ZNF521: variants seen among roughly 807,000 people sequenced by gnomAD.
ZNF521 encodes LYST-interacting protein 3.
ZNF521 carries 14 observed loss-of-function variants against 105.5 expected under a neutral mutation model. The ratio of observed to expected loss-of-function variants is 0.13; its 90% CI spans 0.09 to 0.21. The LOEUF is 0.21. ZNF521 is among the 10% of genes least tolerant of loss of function. The probability of loss-of-function intolerance (pLI) is 1.00; values close to 1 mark genes in which losing one functional copy is unlikely to be tolerated. For synonymous variants in ZNF521, 635 were observed against 606.0 expected (o/e 1.05, Z -0.70); for missense variants, 1,233 against 1,629.7 (o/e 0.76, Z 4.19).
In ZNF521 at chr18:25,067,408, T is replaced by G. The variant is rs76425582; in HGVS notation, c.3907-4667A>C. 8.2e-3 allele frequency among the ~76,000 whole-genome samples: 1,254 copies of G among 152,328 alleles called. 18 individuals are homozygous for G. The highest frequency in any genetic ancestry group is 0.029 in the African/African-American group (1,187 of 41,584). On this transcript the variant is annotated intron_variant, in intron 7 of 7. Transcript: ENST00000361524. Reference sequence around the variant, plus strand: ...GGCCTTAAAAATTCCCTTCTAGCACTATGTATTTCTTTTTAAATATGAGAT... The same window carrying G: ...GGCCTTAAAAATTCCCTTCTAGCACGATGTATTTCTTTTTAAATATGAGAT...
chr18:25,080,489 G>C (rs1022456693), intron 7 of ZNF521, among the ~76,000 whole-genome samples: 1 of 152,158 alleles, frequency 6.6e-6, no homozygotes, highest in Admixed American at 6.5e-5. Context: ...TAACAATAAA[G>C]GATACAAATG....
rs569595258 is a variant in ZNF521, at chr18:25,074,200, G to C, written c.3907-11459C>G. Among the ~76,000 whole-genome samples the C allele has an allele frequency of 6.6e-5, 10 of 152,282 alleles. No individual in the cohort carries two copies. The South Asian group carries it at 1.9e-3, about 28-fold the overall frequency. ...CATTGCTTCTACAGGTAAAATTCCTGGTGTTTGCCTTTGATCTTTCTGTCT... is the reference window on the plus strand; with the variant it reads ...CATTGCTTCTACAGGTAAAATTCCTCGTGTTTGCCTTTGATCTTTCTGTCT... On this transcript the variant is annotated intron_variant, in intron 7 of 7. Transcript: ENST00000361524.
intron 4 of ZNF521, among the ~76,000 whole-genome samples, chr18:25,206,196 T>C (rs1303057590): frequency 6.6e-6 from 1 of 151,848 alleles, no homozygotes; most frequent in African/African-American, 2.4e-5. Flanking sequence ...TTAGTAGAGA[T>C]GGGGTTTTGC....
At position 25,213,387 on chromosome 18, in the gene ZNF521, T is replaced by C. The variant is rs911953894; in HGVS notation, c.3573+10958A>G. On this transcript the variant is annotated intron_variant, in intron 4 of 7. Transcript: ENST00000361524. ...AAATATGTTAAATACAGTTTTTCCA[T>C]TGACTTTTGAGATAAAAATATAATT... 7.9e-5 allele frequency among the ~76,000 whole-genome samples: 12 copies of C among 151,816 alleles called. No homozygotes were observed. In the East Asian group the frequency reaches 1.2e-3, roughly 15 times the overall value.
At chr18:25,207,876 T>TA (rs1190925910) in intron 4 of ZNF521, among the ~76,000 whole-genome samples, 1 of 152,018 alleles carries the variant, frequency 6.6e-6, no homozygotes, top group African/African-American at 2.4e-5. Flanking sequence ...ATTCTCCAAA[T>TA]AAAAAAAGTC....
intron 7 of ZNF521, among the ~76,000 whole-genome samples, chr18:25,074,451 C>G (rs2033310265): frequency 6.6e-6 from 1 of 152,134 alleles, no homozygotes. Context: ...TTTTCTTTCT[C>G]TTTTCCCTGT....
At position 25,273,220 on chromosome 18, in the gene ZNF521, C is replaced by CAAAAAAAAAAAAAAAAAAAAAA. The variant is rs67381140; in HGVS notation, c.221-45545_221-45524dup. ...CCCAAGAGGAGTGAAACCCTGTCTC[C>CAAAAAAAAAAAAAAAAAAAAAA]AAAAAAAAAAAAAAAAAAAAAAAAA... is the stretch of plus-strand genomic sequence containing the variant. On this transcript the variant is annotated intron_variant, in intron 3 of 7. Transcript: ENST00000361524. Among the ~76,000 whole-genome samples the CAAAAAAAAAAAAAAAAAAAAAA allele has an allele frequency of 1.1e-3, 45 of 40,892 alleles. 5 individuals carry two copies. Among genetic ancestry groups the CAAAAAAAAAAAAAAAAAAAAAA allele is most frequent in the Non-Finnish European group, 1.4e-3 (32 of 23,200 alleles). The allele number at this position is 40,892 out of a possible 152,430, so 26.8% of individuals were successfully genotyped here.
At chr18:25,300,064 T>C (rs555299817) in intron 3 of ZNF521, among the ~76,000 whole-genome samples, 1 of 152,176 alleles carries the variant, frequency 6.6e-6, no homozygotes, top group Non-Finnish European at 1.5e-5. Context: ...CTCAAGAGAC[T>C]GCAACTTAGA....
intron 5 of ZNF521, among the ~76,000 whole-genome samples, chr18:25,164,846 GA>G (rs1009273187): frequency 2.0e-5 from 3 of 152,216 alleles, no homozygotes; most frequent in African/African-American, 7.2e-5. Flanking sequence ...TGTGTAATCA[GA>G]ATAATAGTTA....
chr18:25,219,795 T>C (rs902209627), intron 4 of ZNF521, among the ~76,000 whole-genome samples: 1 of 152,154 alleles, frequency 6.6e-6, no homozygotes, highest in African/African-American at 2.4e-5. Flanking sequence ...CCAGCCTGAA[T>C]GATAGAGTGA....
At chr18:25,143,528 CAGTTT>C (rs1461425442) in intron 5 of ZNF521, among the ~76,000 whole-genome samples, 1 of 152,046 alleles carries the variant, frequency 6.6e-6, no homozygotes, top group African/African-American at 2.4e-5. Flanking sequence ...TGCTAGCCTT[CAGTTT>C]AAAGTTCACC....
At chr18:25,288,342 G>A (rs548928541) in intron 3 of ZNF521, among the ~76,000 whole-genome samples, 1 of 152,190 alleles carries the variant, frequency 6.6e-6, no homozygotes, top group African/African-American at 2.4e-5. Flanking sequence ...CTGTACTACT[G>A]CAGAATATGA....
Position 25,348,806 on chromosome 18 carries a change from C to T in ZNF521, c.40+2101G>A, listed in dbSNP as rs189797877. Among the ~76,000 whole-genome samples, 36 of 152,222 alleles carry T rather than the reference C, an allele frequency of 2.4e-4. 1 individual carries two copies. The East Asian group carries it at 6.2e-3, about 26-fold the overall frequency. ...CACTTGCCATTTTTTGCTTATTAAC[C>T]TAAGAACTGCACAGGTATTTTGCAG... On this transcript the variant is annotated intron_variant, in intron 2 of 7. Coordinates refer to ENST00000361524, the MANE Select transcript of ZNF521 (RefSeq NM_015461.3).
At chr18:25,218,080 G>A (rs771335832) in intron 4 of ZNF521, among the ~76,000 whole-genome samples, 7 of 152,134 alleles carry the variant, frequency 4.6e-5, no homozygotes, top group African/African-American at 1.7e-4. Flanking sequence ...GGGAAAAGAA[G>A]GGAAAGCCGA....
intron 7 of ZNF521, chr18:25,082,475 A>C: frequency 2.4e-6 from 1 of 411,238 alleles, no homozygotes; most frequent in Non-Finnish European, 4.8e-6. Flanking sequence ...GGGTCCCAGC[A>C]GAAGAACACA....
At chr18:25,108,987 C>T (rs2034129751) in intron 5 of ZNF521, among the ~76,000 whole-genome samples, 1 of 152,072 alleles carries the variant, frequency 6.6e-6, no homozygotes, top group Admixed American at 6.6e-5. Flanking sequence ...TCAGAGGGTA[C>T]ATGTGCAGGT....
chr18:25,219,458 G>A (rs1905550083), intron 4 of ZNF521, among the ~76,000 whole-genome samples: 2 of 152,174 alleles, frequency 1.3e-5, no homozygotes, highest in African/African-American at 4.8e-5. Context: ...AAGTTCAAGG[G>A]AACATGTGAG....
intron 5 of ZNF521, among the ~76,000 whole-genome samples, chr18:25,115,852 G>A (rs750753339): frequency 1.3e-5 from 2 of 152,160 alleles, no homozygotes; most frequent in Non-Finnish European, 2.9e-5. Flanking sequence ...AGCTTGCTTT[G>A]AGGCAGGGCC....
chr18:25,087,328 G>A (rs1314643336), intron 7 of ZNF521, among the ~76,000 whole-genome samples: 2 of 152,174 alleles, frequency 1.3e-5, no homozygotes, highest in African/African-American at 4.8e-5. Flanking sequence ...AATCTTGAAG[G>A]ATGTGATTAA....
Sources: gnomAD v4.1 joint callset for allele counts (sites outside exome capture counted in the v4.1 genomes callset) on GRCh38, gnomAD v4.1.1 for gene constraint, MANE v1.5 for transcripts, NCBI Gene and HGNC (gene_info 2026-07-23, HGNC 2026-07-21) for gene names.